RUNX1T1: variants seen among roughly 807,000 people sequenced by gnomAD.
The protein encoded by RUNX1T1 is protein CBFA2T1.
RUNX1T1 carries 4 observed loss-of-function variants against 62.8 expected under a neutral mutation model. The ratio of observed to expected loss-of-function variants is 0.06; its 90% CI spans 0.03 to 0.15. RUNX1T1 has a LOEUF of 0.15. Among genes scored for constraint, RUNX1T1 ranks in the 10% least tolerant of loss-of-function variants. RUNX1T1 has a pLI of 1.00. For synonymous variants in RUNX1T1, 291 were observed against 286.0 expected (o/e 1.02, Z -0.18); for missense variants, 508 against 754.3 (o/e 0.67, Z 3.82).
chr8:91,961,888 G>A (rs933342513), intron 10 of RUNX1T1, among the ~76,000 whole-genome samples: 9 of 152,322 alleles, frequency 5.9e-5, no homozygotes, highest in Admixed American at 2.0e-4. Context: ...ATGTGCTTGT[G>A]TGATAAGAAA....
chr8:92,034,012 C>G (rs1284768295), intron 1 of RUNX1T1, among the ~76,000 whole-genome samples: 1 of 151,724 alleles, frequency 6.6e-6, no homozygotes, highest in Non-Finnish European at 1.5e-5. Flanking sequence ...TCTACCAAGG[C>G]TATTCAGCTT....
At position 91,975,266 on chromosome 8, in the gene RUNX1T1, T is replaced by C. The variant is rs183831693; in HGVS notation, c.1267+639A>G. ...AGTGGGTCATGAGGAGCTTTAAATC[T>C]ACTATTACAAAATATAGAGCAGCAT... is the stretch of plus-strand genomic sequence containing the variant. On this transcript the variant is annotated intron_variant, in intron 9 of 10. Transcript: ENST00000396218. Among the ~76,000 whole-genome samples, 592 of 152,356 alleles carry C rather than the reference T, an allele frequency of 3.9e-3. 3 individuals carry two copies. Among genetic ancestry groups the C allele is most frequent in the Middle Eastern group, 0.031 (9 of 294 alleles).
At chr8:92,012,622 C>T (rs755820025) in intron 3 of RUNX1T1, among the ~76,000 whole-genome samples, 31 of 152,060 alleles carry the variant, frequency 2.0e-4, no homozygotes, top group Non-Finnish European at 3.5e-4. Context: ...CTTAACTCCA[C>T]CTAAGCATCA....
chr8:92,011,929 A>G (rs922268234), intron 3 of RUNX1T1, among the ~76,000 whole-genome samples: 2 of 152,146 alleles, frequency 1.3e-5, no homozygotes, highest in Non-Finnish European at 2.9e-5. Flanking sequence ...CCCTCATTTC[A>G]TTCGTTTTCT....
chr8:92,069,956 C>T (rs150719209), intron 2 of RUNX1T1, among the ~76,000 whole-genome samples: 41 of 152,256 alleles, frequency 2.7e-4, no homozygotes, highest in African/African-American at 9.6e-4. Context: ...CACAAGTCCA[C>T]AATTAGTTAT....
chr8:91,966,805 G>A (rs965176608), intron 10 of RUNX1T1, among the ~76,000 whole-genome samples: 6 of 152,174 alleles, frequency 3.9e-5, no homozygotes, highest in African/African-American at 1.4e-4. Flanking sequence ...CAAGTCCAGT[G>A]TCATTCTAAC....
intron 1 of RUNX1T1, among the ~76,000 whole-genome samples, chr8:92,053,414 C>A (rs1240095594): frequency 6.6e-6 from 1 of 152,080 alleles, no homozygotes; most frequent in East Asian, 1.9e-4. Context: ...CATGAAAATG[C>A]CCAGGTGGAG....
chr8:91,990,121 G>T (rs1030659325), intron 6 of RUNX1T1, among the ~76,000 whole-genome samples: 1 of 152,144 alleles, frequency 6.6e-6, no homozygotes, highest in Non-Finnish European at 1.5e-5. Flanking sequence ...TAGCAATGTA[G>T]TTGGAAATTG....
chr8:92,012,534 A>C (rs1822157451), intron 3 of RUNX1T1, among the ~76,000 whole-genome samples: 1 of 152,258 alleles, frequency 6.6e-6, no homozygotes, highest in East Asian at 1.9e-4. Context: ...GTGACAGAGA[A>C]AGACCCTGTC....
At chr8:92,036,643 A>AAT (rs1414805386) in intron 1 of RUNX1T1, among the ~76,000 whole-genome samples, 1 of 152,210 alleles carries the variant, frequency 6.6e-6, no homozygotes, top group Non-Finnish European at 1.5e-5. Context: ...TCTGAAGCCT[A>AAT]ATAAACCATT....
chr8:92,095,551 A>G, intron 1 of RUNX1T1: 1 of 1,460,416 alleles, frequency 6.8e-7, no homozygotes, highest in Non-Finnish European at 9.0e-7. Context: ...AGCAGGGCCC[A>G]GATGGAGGCA....
chr8:92,042,899 T>G (rs1009800206), intron 1 of RUNX1T1, among the ~76,000 whole-genome samples: 4 of 152,226 alleles, frequency 2.6e-5, no homozygotes, highest in Non-Finnish European at 4.4e-5. Flanking sequence ...TGCCCTGAGC[T>G]GTGTTTGGAT....
At chr8:92,001,828 T>A (rs1303941004) in intron 5 of RUNX1T1, among the ~76,000 whole-genome samples, 1 of 152,208 alleles carries the variant, frequency 6.6e-6, no homozygotes, top group African/African-American at 2.4e-5. Flanking sequence ...ATGATAATCA[T>A]CCTAACACAA....
intron 6 of RUNX1T1, among the ~76,000 whole-genome samples, chr8:91,989,122 A>G (rs2130854709): frequency 1.3e-5 from 2 of 152,282 alleles, no homozygotes; most frequent in Middle Eastern, 3.4e-3. Context: ...GTTTTAGAAT[A>G]TTTTAACTAA....
chr8:92,070,294 GT>G (rs1252160664), intron 2 of RUNX1T1, among the ~76,000 whole-genome samples: 7 of 151,184 alleles, frequency 4.6e-5, no homozygotes, highest in African/African-American at 1.7e-4. Flanking sequence ...CCTGCCAAGA[GT>G]TTGTTGGTGG....
intron 1 of RUNX1T1, among the ~76,000 whole-genome samples, chr8:92,060,541 ATATATATATAT>A (rs1254088083): frequency 9.1e-6 from 1 of 109,378 alleles, no homozygotes; most frequent in Admixed American, 9.2e-5. Context: ...ATATATATAT[ATATATATATAT>A]ATGTGTGTGT....
At chr8:92,087,015 T>C (rs559659016) in intron 1 of RUNX1T1, among the ~76,000 whole-genome samples, 4 of 152,206 alleles carry the variant, frequency 2.6e-5, no homozygotes, top group African/African-American at 7.2e-5. Context: ...TCAATTTTTA[T>C]TTTAACCTTG....
upstream of RUNX1T1, among the ~76,000 whole-genome samples, chr8:92,102,181 C>T (rs1034633963): frequency 1.3e-5 from 2 of 152,162 alleles, no homozygotes; most frequent in Non-Finnish European, 2.9e-5. The surrounding 1 kb of genome is among the most constrained non-coding windows in gnomAD (Gnocchi z 4.5). Context: ...AGCCCGGGAC[C>T]AGCCTCGGGC....
chr8:91,957,571 CTTAT>C, downstream of RUNX1T1: 1 of 231,132 alleles, frequency 4.3e-6, no homozygotes, highest in Non-Finnish European at 8.6e-6. Context: ...TGTACTAATC[CTTAT>C]TTTACACACT....
Sources: gnomAD v4.1 joint callset for allele counts (sites outside exome capture counted in the v4.1 genomes callset) on GRCh38, gnomAD v4.1.1 for gene constraint, Gnocchi (gnomAD v3.1) non-coding constraint, MANE v1.5 for transcripts, NCBI Gene and HGNC (gene_info 2026-07-23, HGNC 2026-07-21) for gene names.